Variants in PKNOX2 observed in about 807,000 individuals in gnomAD.
PKNOX2 encodes homeobox protein PKNOX2.
Under a neutral mutation model 53.1 loss-of-function variants are expected in PKNOX2, and 14 were observed. That is an observed-to-expected ratio of 0.26 (90% CI 0.17 to 0.41). The LOEUF is 0.41. PKNOX2 is among the 10% of genes least tolerant of loss of function. The pLI is 1.00. For synonymous variants in PKNOX2, 257 were observed against 242.8 expected (o/e 1.06, Z -0.54); for missense variants, 496 against 602.8 (o/e 0.82, Z 1.85).
intron 2 of PKNOX2, among the ~76,000 whole-genome samples, chr11:125,257,254 G>T (rs1352172291): frequency 6.6e-6 from 1 of 152,088 alleles, no homozygotes; most frequent in Non-Finnish European, 1.5e-5. Flanking sequence ...TTTCCTCTTC[G>T]CTGTCCCCGG....
chr11:125,174,973 G>A lies in PKNOX2; in HGVS notation c.-201+10197G>A, dbSNP rs542415105. On this transcript the variant is annotated intron_variant, in intron 1 of 12. Transcript: ENST00000298282. ...ATTCTGGAGGAAAGCCAAGGAGCTC[G>A]AAAGGATTCCTCCAGCCTTCCCTGA... Among the ~76,000 whole-genome samples, 12 of 152,248 alleles carry A rather than the reference G, an allele frequency of 7.9e-5. No individual in the cohort carries two copies. In the South Asian group the frequency reaches 1.2e-3, roughly 16 times the overall value.
intron 1 of PKNOX2, among the ~76,000 whole-genome samples, chr11:125,223,245 T>A (rs975621916): frequency 6.6e-6 from 1 of 152,042 alleles, no homozygotes; most frequent in African/African-American, 2.4e-5. Context: ...CTTTTTTTTT[T>A]TTGAGACAGA....
At chr11:125,406,155 T>C (rs1282090009) in intron 7 of PKNOX2, among the ~76,000 whole-genome samples, 1 of 152,214 alleles carries the variant, frequency 6.6e-6, no homozygotes, top group African/African-American at 2.4e-5. Flanking sequence ...AAAAAGCTAA[T>C]AATACTGTGT....
Position 125,209,679 on chromosome 11 carries a change from AG to A in PKNOX2, c.-200-25361del, listed in dbSNP as rs753642510. ...CACAGTAATAGATGGGGCAGGCTGG[AG>A]GGGGAGGAGGATGACGACAAGGGAG... is the stretch of plus-strand genomic sequence containing the variant. On this transcript the variant is annotated intron_variant, in intron 1 of 12. Coordinates refer to ENST00000298282, the MANE Select transcript of PKNOX2 (RefSeq NM_001382323.2). Among the ~76,000 whole-genome samples the A allele has an allele frequency of 3.9e-5, 6 of 152,042 alleles. 2 individuals carry two copies. The highest frequency in any genetic ancestry group is 8.8e-5 in the Non-Finnish European group (6 of 67,962).
rs1197983148 is a variant in PKNOX2 at position 125,165,760 on chromosome 11, C to T, written c.-201+984C>T. On this transcript the variant is annotated intron_variant, in intron 1 of 12. Transcript: ENST00000298282. This position sits in a 1 kb window ranked among gnomAD's most constrained non-coding sequence, Gnocchi z 4.5. ...CCGCGCGAGGCTTGGGAATCGGGAG[C>T]CCTTCTGGCTCGAGAACTAGGGGAT... Among the ~76,000 whole-genome samples the T allele has an allele frequency of 6.6e-6, 1 of 152,146 alleles. No homozygotes were observed. The highest frequency in any genetic ancestry group is 1.5e-5 in the Non-Finnish European group (1 of 68,028).
intron 5 of PKNOX2, among the ~76,000 whole-genome samples, chr11:125,373,181 C>T (rs1181218031): frequency 1.1e-4 from 16 of 152,202 alleles, no homozygotes; most frequent in Non-Finnish European, 2.9e-5. Context: ...TTGTCACCAT[C>T]GGCTAGCTCA....
intron 2 of PKNOX2, among the ~76,000 whole-genome samples, chr11:125,263,699 G>T (rs749034280): frequency 8.5e-5 from 13 of 152,356 alleles, no homozygotes; most frequent in Non-Finnish European, 1.3e-4. Flanking sequence ...GTCTTCGCAC[G>T]GAGGGCGTGG....
chr11:125,204,316 C>T lies in PKNOX2; in HGVS notation c.-200-30729C>T, dbSNP rs548830083. Among the ~76,000 whole-genome samples the T allele has an allele frequency of 2.2e-3, 338 of 152,224 alleles. 3 individuals are homozygous for T. The highest frequency in any genetic ancestry group is 7.3e-3 in the South Asian group (35 of 4,806). On this transcript the variant is annotated intron_variant, in intron 1 of 12. Coordinates refer to ENST00000298282, the MANE Select transcript of PKNOX2 (RefSeq NM_001382323.2). Reference sequence around the variant, plus strand: ...GATGTTAAGGTACAATACAAAGGAGCCAGCTGGGCACCGTGTTAAGATGCA... The same window carrying T: ...GATGTTAAGGTACAATACAAAGGAGTCAGCTGGGCACCGTGTTAAGATGCA...
Position 125,340,504 on chromosome 11 carries a change from C to T in PKNOX2, c.-23+8579C>T, listed in dbSNP as rs568854486. ...CTCAAAGCCCCGGTTTGCTCACCCA[C>T]GAATGGGAACAACCGTAATGCCGAC... On this transcript the variant is annotated intron_variant, in intron 3 of 12. Transcript: ENST00000298282. Among the ~76,000 whole-genome samples the T allele has an allele frequency of 1.4e-3, 207 of 152,244 alleles. 3 individuals carry two copies. Among genetic ancestry groups the T allele is most frequent in the African/African-American group, 4.0e-3 (165 of 41,540 alleles).
At chr11:125,252,136 A>G (rs186455045) in intron 2 of PKNOX2, among the ~76,000 whole-genome samples, 1 of 152,324 alleles carries the variant, frequency 6.6e-6, no homozygotes, top group Non-Finnish European at 1.5e-5. Context: ...ACCTTGTGGG[A>G]TCAGGGCTGA....
chr11:125,369,548 C>T (rs1261230470), intron 5 of PKNOX2, among the ~76,000 whole-genome samples: 4 of 152,072 alleles, frequency 2.6e-5, no homozygotes, highest in Non-Finnish European at 5.9e-5. Context: ...CTCCAGGCAC[C>T]GATAGACGTA....
chr11:125,414,882 A>C (rs1400323300), intron 10 of PKNOX2, among the ~76,000 whole-genome samples: 1 of 152,234 alleles, frequency 6.6e-6, no homozygotes, highest in Non-Finnish European at 1.5e-5. Context: ...CAATGGACCA[A>C]GAGCAAGTTT....
chr11:125,263,484 G>A (rs1043083838), intron 2 of PKNOX2, among the ~76,000 whole-genome samples: 8 of 152,234 alleles, frequency 5.3e-5, no homozygotes, highest in African/African-American at 1.4e-4. Flanking sequence ...CTGGGGGAGC[G>A]TGCTAAACCT....
intron 1 of PKNOX2, among the ~76,000 whole-genome samples, chr11:125,217,117 A>G (rs879355980): frequency 2.0e-5 from 3 of 151,874 alleles, no homozygotes; most frequent in Non-Finnish European, 4.4e-5. Context: ...ACACCCACCC[A>G]TGGAGTCACA....
intron 7 of PKNOX2, among the ~76,000 whole-genome samples, chr11:125,404,552 TC>T (rs150904524): frequency 2.0e-5 from 3 of 152,152 alleles, no homozygotes; most frequent in Non-Finnish European, 2.9e-5. Flanking sequence ...GGAAGGGGTG[TC>T]TGGGGACAGG....
chr11:125,331,318 C>A (rs1001604779), intron 2 of PKNOX2, among the ~76,000 whole-genome samples: 3 of 152,186 alleles, frequency 2.0e-5, no homozygotes, highest in Non-Finnish European at 4.4e-5. Flanking sequence ...CTCCCTGCTG[C>A]CCTGGACACC....
At chr11:125,332,223 G>A (rs1355559121) in intron 3 of PKNOX2, among the ~76,000 whole-genome samples, 1 of 151,044 alleles carries the variant, frequency 6.6e-6, no homozygotes, top group East Asian at 2.0e-4. Flanking sequence ...GTATCAAGAT[G>A]ATGATCACAT....
intron 2 of PKNOX2, among the ~76,000 whole-genome samples, chr11:125,291,119 C>T (rs1040363815): frequency 3.3e-5 from 5 of 152,196 alleles, no homozygotes; most frequent in Non-Finnish European, 5.9e-5. Flanking sequence ...GCAGGCTGGT[C>T]CTGCAGAAAG....
intron 1 of PKNOX2, among the ~76,000 whole-genome samples, chr11:125,179,412 T>C (rs577712674): frequency 1.3e-5 from 2 of 152,254 alleles, no homozygotes; most frequent in East Asian, 1.9e-4. Flanking sequence ...AGGGCCTCCC[T>C]GGGGAGTGAT....
Sources: gnomAD v4.1 joint callset for allele counts (sites outside exome capture counted in the v4.1 genomes callset) on GRCh38, gnomAD v4.1.1 for gene constraint, Gnocchi (gnomAD v3.1) non-coding constraint, MANE v1.5 for transcripts, NCBI Gene and HGNC (gene_info 2026-07-23, HGNC 2026-07-21) for gene names.